GPR155: variants seen among roughly 807,000 people sequenced by gnomAD.
GPR155 encodes lysosomal cholesterol signaling protein.
GPR155 carries 65 observed loss-of-function variants against 93.1 expected under a neutral mutation model. The observed-to-expected ratio is 0.70, with a 90% CI of 0.57 to 0.86. The LOEUF is 0.86. Among genes scored for constraint, GPR155 ranks in the 40% least tolerant of loss-of-function variants. GPR155 has a pLI of 0.00. For missense variants in GPR155, 838 were observed against 1,034.8 expected, an observed-to-expected ratio of 0.81 and a Z score of 2.61; for synonymous variants, 319 against 360.1, an observed-to-expected ratio of 0.89 and a Z score of 1.29.
At chr2:174,440,462 G>A (rs1357102345) in intron 14 of GPR155, among the ~76,000 whole-genome samples, 1 of 151,880 alleles carries the variant, frequency 6.6e-6, no homozygotes, top group African/African-American at 2.4e-5. Flanking sequence ...TCCAAAAACT[G>A]GAGTACGAAA....
chr2:174,441,612 G>A (rs1297919633), intron 14 of GPR155, among the ~76,000 whole-genome samples: 2 of 151,988 alleles, frequency 1.3e-5, no homozygotes. Context: ...GCCCCGGTGT[G>A]TGATGTTCCC....
At chr2:174,466,021 ATTAT>A (rs1162014315) in intron 6 of GPR155, 119 bp from the exon 7 acceptor site, 10 of 578,542 alleles carry the variant, frequency 1.7e-5, no homozygotes, top group African/African-American at 1.9e-5. Flanking sequence ...AGCAAATATA[ATTAT>A]TTGTTTAAAA....
At chr2:174,444,371 C>T (rs757695970) in intron 13 of GPR155, among the ~76,000 whole-genome samples, 10 of 148,788 alleles carry the variant, frequency 6.7e-5, no homozygotes, top group Non-Finnish European at 1.2e-4. Flanking sequence ...GCTGAGATCA[C>T]GCCATTGCAC....
intron 1 of GPR155, among the ~76,000 whole-genome samples, chr2:174,486,534 G>A (rs1688485841): frequency 6.6e-6 from 1 of 152,224 alleles, no homozygotes; most frequent in Non-Finnish European, 1.5e-5. Flanking sequence ...GGAAGGGCCA[G>A]ATACTGAGGG....
At chr2:174,470,642 G>T in intron 3 of GPR155, 87 bp from the exon 4 acceptor site, 2 of 1,131,708 alleles carry the variant, frequency 1.8e-6, no homozygotes, top group Non-Finnish European at 2.6e-6. Flanking sequence ...TTGGCATCAG[G>T]TTCTCCTGCC....
Position 174,433,473 on chromosome 2 carries a change from G to A in GPR155, c.*2643C>T, listed in dbSNP as rs1483528780. 3.3e-5 allele frequency: 5 copies of A among 152,192 alleles called. No individual in the cohort carries two copies. The highest frequency in any genetic ancestry group is 7.2e-5 in the African/African-American group (3 of 41,442). 9.4% of individuals were successfully genotyped at this position (152,192 alleles called of 1,614,324 possible). A position where few individuals can be genotyped will look rare whatever the true frequency, so the allele number is the denominator to read the frequency against. On this transcript the variant is annotated 3_prime_UTR_variant, in exon 16 of 16. Coordinates refer to ENST00000392552, the MANE Select transcript of GPR155 (RefSeq NM_152529.7). Reference sequence around the variant, plus strand: ...TGTGTCTGGAACATGCTAGATGCTCGATAAGTTATTTGTTAAATGAACATT... The same window carrying A: ...TGTGTCTGGAACATGCTAGATGCTCAATAAGTTATTTGTTAAATGAACATT...
chr2:174,446,843 C>T, intron 11 of GPR155, 96 bp from the exon 12 acceptor site: 1 of 1,085,556 alleles, frequency 9.2e-7, no homozygotes, highest in East Asian at 2.4e-5. Flanking sequence ...AACAGAAAAG[C>T]ACATTCAGCT....
intron 1 of GPR155, among the ~76,000 whole-genome samples, chr2:174,485,274 C>T (rs535105894): frequency 3.9e-5 from 6 of 151,930 alleles, no homozygotes; most frequent in East Asian, 3.9e-4. Context: ...ACTTTCAATT[C>T]GTTGAAAAAT....
intron 15 of GPR155, among the ~76,000 whole-genome samples, chr2:174,437,666 C>A (rs1686828753): frequency 6.7e-6 from 1 of 150,216 alleles, no homozygotes; most frequent in Admixed American, 6.7e-5. Flanking sequence ...TACCCCACAA[C>A]CTCCGTCTCC....
rs1413846695 is a variant in GPR155, at chr2:174,432,219, A to G, written c.*3897T>C. On this transcript the variant is annotated 3_prime_UTR_variant, in exon 16 of 16. Coordinates refer to ENST00000392552, the MANE Select transcript of GPR155 (RefSeq NM_152529.7). The stretch of plus-strand genomic sequence containing the variant: ...GGCTTCTGCATTATTCAGATTACTC[A>G]AAGAAAAGATGTCAGTAATGCAAGT... 1 of 152,652 alleles carries G rather than the reference A, an allele frequency of 6.6e-6. No homozygotes were observed. Among genetic ancestry groups the G allele is most frequent in the Non-Finnish European group, 1.5e-5 (1 of 68,032 alleles). 9.5% of individuals were successfully genotyped at this position (152,652 alleles called of 1,614,324 possible).
At position 174,465,821 on chromosome 2, in the gene GPR155, A is replaced by G. The variant is rs766573457; in HGVS notation, c.1348T>C (p.Leu450=). Residue 450 remains leucine, a synonymous_variant, in exon 7 of 16, where the codon TTG becomes CTG. Transcript: ENST00000392552. ...FVGQILVFVL[L]YSSLYSTYLW... ...TAGGTGCTATAGAGGGAGCTGTACA[A>G]TAGAACAAACACCAAAATTTGTCCA... 3 of 1,604,518 alleles carry G rather than the reference A, an allele frequency of 1.9e-6. No individual in the cohort carries two copies. Among genetic ancestry groups the G allele is most frequent in the Non-Finnish European group, 2.6e-6 (3 of 1,171,992 alleles).
At position 174,476,735 on chromosome 2, in the gene GPR155, C is replaced by T. The variant is rs905415959; in HGVS notation, c.461-3371G>A. Among the ~76,000 whole-genome samples the T allele has an allele frequency of 2.0e-5, 3 of 152,314 alleles. No individual in the cohort carries two copies. In the South Asian group the frequency reaches 6.2e-4, roughly 32 times the overall value. ...ATCAGCCAGTTTAATAACAGTTAAA[C>T]CAGACAACTACCACATTCATAATTA... On this transcript the variant is annotated intron_variant, in intron 2 of 15. Transcript: ENST00000392552.
intron 7 of GPR155, 108 bp from the exon 8 acceptor site, chr2:174,461,780 T>G (rs1687705583): frequency 3.0e-6 from 2 of 660,782 alleles, no homozygotes; most frequent in African/African-American, 3.7e-5. Context: ...CATAGTAGTG[T>G]GTGGTTTTTG....
Position 174,470,558 on chromosome 2 carries a change from G to GAAGAAAA in GPR155, c.861-10_861-4dup. The GAAGAAAA allele has an allele frequency of 3.7e-6, 6 of 1,607,642 alleles. No homozygotes were observed. The highest frequency in any genetic ancestry group is 5.1e-6 in the Non-Finnish European group (6 of 1,177,874). ...TGCACAGAAGTGGCAGCACCAGACT[G>GAAGAAAA]AAGAAAAAAGAAAAACATCATTTAC... is the stretch of plus-strand genomic sequence containing the variant. On this transcript the variant is annotated splice_region_variant and splice_polypyrimidine_tract_variant and intron_variant, in intron 3 of 15. Coordinates refer to ENST00000392552, the MANE Select transcript of GPR155 (RefSeq NM_152529.7).
Position 174,481,916 on chromosome 2 carries a change from A to T in GPR155, c.41T>A (p.Val14Asp), listed in dbSNP as rs762613260. The T allele has an allele frequency of 6.2e-7, 1 of 1,613,754 alleles. No homozygotes were observed. Among genetic ancestry groups the T allele is most frequent in the Non-Finnish European group, 8.5e-7 (1 of 1,179,868 alleles). ...NLPAENLTIA[V>D]NMTKTLPTAV... ...TGTAGGCAAAGTCTTGGTCATATTG[A>T]CTGCAATGGTTAAGTTCTCTGCAGG... Residue 14 changes from valine to aspartate, a missense_variant, in exon 2 of 16, where the codon GTC (valine) becomes GAC (aspartate). By Grantham distance (152) the Val-to-Asp change is radical (BLOSUM62 -3). Transcript: ENST00000392552.
intron 14 of GPR155, 32 bp downstream of exon 14, chr2:174,442,087 C>T (rs1436242175): frequency 9.7e-7 from 1 of 1,036,098 alleles, no homozygotes; most frequent in Non-Finnish European, 1.5e-6. Flanking sequence ...ATCACATTTA[C>T]AGATACAGAT....
chr2:174,453,333 T>C (rs769798870), intron 11 of GPR155, among the ~76,000 whole-genome samples: 2 of 152,222 alleles, frequency 1.3e-5, no homozygotes, highest in Non-Finnish European at 2.9e-5. Flanking sequence ...CTTCTATAGA[T>C]ATTCTATGTA....
chr2:174,480,929 C>T (rs1688300286), intron 2 of GPR155, among the ~76,000 whole-genome samples: 1 of 152,102 alleles, frequency 6.6e-6, no homozygotes, highest in African/African-American at 2.4e-5. Flanking sequence ...GCCACCACAG[C>T]TGACTAATTT....
chr2:174,436,887 T>C (rs1345887154), intron 15 of GPR155, among the ~76,000 whole-genome samples: 4 of 152,226 alleles, frequency 2.6e-5, no homozygotes, highest in African/African-American at 7.2e-5. Flanking sequence ...ATATACATCA[T>C]GTATACGTAT....
Sources: gnomAD v4.1 joint callset for allele counts (sites outside exome capture counted in the v4.1 genomes callset) on GRCh38, gnomAD v4.1.1 for gene constraint, MANE v1.5 for transcripts, NCBI Gene and HGNC (gene_info 2026-07-23, HGNC 2026-07-21) for gene names.